Variants in RERG observed in about 807,000 individuals in gnomAD.
RERG encodes RAS like estrogen regulated growth inhibitor, also known as ras-related and estrogen-regulated growth inhibitor.
RERG carries 25 observed loss-of-function variants against 23.2 expected under a neutral mutation model. The ratio of observed to expected loss-of-function variants is 1.08; its 90% CI spans 0.79 to 1.50. RERG has a LOEUF of 1.50. Among genes scored for constraint, RERG ranks in the 40% most tolerant of loss-of-function variants. The pLI, the probability that RERG is intolerant of heterozygous loss-of-function variation, is 0.00. For missense variants in RERG, 253 were observed against 250.1 expected (o/e 1.01, Z -0.08); for synonymous variants, 81 against 89.1 (o/e 0.91, Z 0.51).
intron 2 of RERG, among the ~76,000 whole-genome samples, chr12:15,169,667 G>A (rs1395109168): frequency 1.3e-5 from 2 of 152,184 alleles, no homozygotes; most frequent in Non-Finnish European, 2.9e-5. Context: ...TTACATGAAT[G>A]TATATATCTT....
chr12:15,114,251 A>G (rs1052125502), intron 3 of RERG, among the ~76,000 whole-genome samples: 1 of 152,104 alleles, frequency 6.6e-6, no homozygotes, highest in Non-Finnish European at 1.5e-5. Context: ...AAATGAGATA[A>G]AAAATAAAAG....
At chr12:15,209,935 G>T (rs1865344625) in intron 2 of RERG, among the ~76,000 whole-genome samples, 1 of 152,098 alleles carries the variant, frequency 6.6e-6, no homozygotes, top group South Asian at 2.1e-4. Context: ...TCATATGTAT[G>T]GATAAGCTTT....
At chr12:15,157,329 G>A (rs887420566) in intron 2 of RERG, among the ~76,000 whole-genome samples, 12 of 152,156 alleles carry the variant, frequency 7.9e-5, no homozygotes, top group African/African-American at 2.2e-4. Flanking sequence ...GTAATGTTGA[G>A]AAATATTTTA....
intron 2 of RERG, among the ~76,000 whole-genome samples, chr12:15,195,188 A>T (rs887522869): frequency 6.6e-6 from 1 of 151,898 alleles, no homozygotes; most frequent in Non-Finnish European, 1.5e-5. Context: ...ACGAGATATG[A>T]TGGCAGAGTT....
At chr12:15,159,359 A>G (rs541563503) in intron 2 of RERG, among the ~76,000 whole-genome samples, 1 of 152,218 alleles carries the variant, frequency 6.6e-6, no homozygotes, top group Non-Finnish European at 1.5e-5. Flanking sequence ...CTAGTACAGA[A>G]ATACCTTTTT....
At chr12:15,110,387 T>C (rs1863582800) in intron 4 of RERG, among the ~76,000 whole-genome samples, 1 of 150,824 alleles carries the variant, frequency 6.6e-6, no homozygotes, top group Non-Finnish European at 1.5e-5. Flanking sequence ...GATTCAAGTC[T>C]TTTTGGGGGT....
intron 4 of RERG, among the ~76,000 whole-genome samples, 186 bp from the exon 5 acceptor site, chr12:15,109,703 C>T (rs912916995): frequency 6.6e-6 from 1 of 152,296 alleles, no homozygotes; most frequent in African/African-American, 2.4e-5. Flanking sequence ...TCCATCTCAA[C>T]ATATTTCAGG....
chr12:15,187,998 A>G (rs1865017661), intron 2 of RERG, among the ~76,000 whole-genome samples: 2 of 152,204 alleles, frequency 1.3e-5, no homozygotes, highest in African/African-American at 4.8e-5. Context: ...CCAGTGGAGT[A>G]AATTATAGAG....
At chr12:15,168,107 C>T (rs1250695128) in intron 2 of RERG, among the ~76,000 whole-genome samples, 1 of 152,126 alleles carries the variant, frequency 6.6e-6, no homozygotes, top group Non-Finnish European at 1.5e-5. Flanking sequence ...TAGTACATTC[C>T]ATCATCATAA....
chr12:15,195,551 CTGTGTGTGTGTGTGTGTGTGTG>C (rs71042238), intron 2 of RERG, among the ~76,000 whole-genome samples: 12 of 128,226 alleles, frequency 9.4e-5, no homozygotes, highest in Non-Finnish European at 1.2e-4. Flanking sequence ...GCAAGCTTGG[CTGTGTGTGTGTGTGTGTGTGTG>C]TGTGTGTGTG....
intron 2 of RERG, among the ~76,000 whole-genome samples, chr12:15,182,423 C>T (rs1010590247): frequency 6.6e-6 from 1 of 152,098 alleles, no homozygotes; most frequent in Non-Finnish European, 1.5e-5. Flanking sequence ...TCACCAAATA[C>T]CTCCTCCCAA....
At chr12:15,123,643 T>TTCA (rs1863881594) in intron 2 of RERG, among the ~76,000 whole-genome samples, 1 of 148,014 alleles carries the variant, frequency 6.8e-6, no homozygotes, top group Non-Finnish European at 1.5e-5. Context: ...TTATTAATTT[T>TTCA]TAAGTTTATT....
Position 15,145,410 on chromosome 12 carries a change from C to T in RERG, c.62-24291G>A, listed in dbSNP as rs182846697. ...CCTGTCAGGGCCATGAGAGATCTCA[C>T]CAAATCCCCTTTGATTAAGGAGGAA... On this transcript the variant is annotated intron_variant, in intron 2 of 4. Transcript: ENST00000256953. Among the ~76,000 whole-genome samples, 17 of 152,336 alleles carry T rather than the reference C, an allele frequency of 1.1e-4. No individual in the cohort carries two copies. The East Asian group carries it at 3.3e-3, about 29-fold the overall frequency.
intron 2 of RERG, among the ~76,000 whole-genome samples, chr12:15,200,151 ATAAT>A (rs1865196783): frequency 6.6e-6 from 1 of 152,130 alleles, no homozygotes; most frequent in South Asian, 2.1e-4. Flanking sequence ...GCTACATTGC[ATAAT>A]TAAAGATAAT....
intron 2 of RERG, among the ~76,000 whole-genome samples, chr12:15,123,785 A>G (rs1863885503): frequency 6.6e-6 from 1 of 152,020 alleles, no homozygotes; most frequent in Admixed American, 6.6e-5. Context: ...TGTCTTTTGA[A>G]GTAAAATGGT....
At position 15,173,160 on chromosome 12, in the gene RERG, T is replaced by A. The variant is rs139817391; in HGVS notation, c.61+44269A>T. 2.0e-5 allele frequency among the ~76,000 whole-genome samples: 3 copies of A among 152,194 alleles called. No homozygotes were observed. The East Asian group carries it at 5.8e-4, about 29-fold the overall frequency. On this transcript the variant is annotated intron_variant, in intron 2 of 4. Transcript: ENST00000256953. ...TTTGAGTTAAATTTTGCAGATAGTG[T>A]GAGGTACAGGTCCAACTTCATTCTT...
At chr12:15,177,045 T>G (rs1864859881) in intron 2 of RERG, among the ~76,000 whole-genome samples, 1 of 152,252 alleles carries the variant, frequency 6.6e-6, no homozygotes, top group Non-Finnish European at 1.5e-5. Context: ...ATTGAAGATG[T>G]CCTCATTCAG....
intron 2 of RERG, among the ~76,000 whole-genome samples, chr12:15,137,303 A>G (rs1864160097): frequency 6.6e-6 from 1 of 151,648 alleles, no homozygotes; most frequent in Admixed American, 6.6e-5. Flanking sequence ...TTATATTTAA[A>G]ATATATTTTA....
intron 2 of RERG, among the ~76,000 whole-genome samples, chr12:15,184,184 G>T (rs2136130651): frequency 6.6e-6 from 1 of 152,218 alleles, no homozygotes; most frequent in African/African-American, 2.4e-5. Flanking sequence ...TATAGAAGAA[G>T]AAAATATTCA....
Sources: allele counts gnomAD v4.1 joint callset (sites outside exome capture counted in the v4.1 genomes callset), GRCh38; gene constraint gnomAD v4.1.1; transcripts MANE v1.5; gene names NCBI Gene and HGNC (gene_info 2026-07-23, HGNC 2026-07-21).